Variants in HECW1 observed in about 807,000 individuals in gnomAD.
The protein encoded by HECW1 is E3 ubiquitin-protein ligase HECW1.
HECW1 carries 61 observed loss-of-function variants against 182.3 expected under a neutral mutation model. The observed-to-expected ratio is 0.33, with a 90% CI of 0.27 to 0.41. HECW1 has a LOEUF of 0.41. HECW1 is among the 10% of genes least tolerant of loss of function. The pLI, the probability that HECW1 is intolerant of heterozygous loss-of-function variation, is 1.00. For missense variants in HECW1, 1,739 were observed against 2,108.9 expected (o/e 0.82, Z 3.44); for synonymous variants, 859 against 832.6 (o/e 1.03, Z -0.55).
At chr7:43,496,794 T>A (rs2079138555) in intron 19 of HECW1, among the ~76,000 whole-genome samples, 1 of 152,148 alleles carries the variant, frequency 6.6e-6, no homozygotes, top group Admixed American at 6.5e-5. Context: ...GGAAGCCACA[T>A]GTAGAGAAGG....
chr7:43,206,363 C>T (rs896546843), intron 2 of HECW1, among the ~76,000 whole-genome samples: 1 of 152,066 alleles, frequency 6.6e-6, no homozygotes, highest in Admixed American at 6.5e-5. Context: ...AAATGGAATG[C>T]GAAGGTAAGG....
At chr7:43,164,053 G>A (rs893257869) in intron 2 of HECW1, among the ~76,000 whole-genome samples, 12 of 152,290 alleles carry the variant, frequency 7.9e-5, no homozygotes, top group East Asian at 1.9e-4. Context: ...GGCAGGCAGC[G>A]AAGAGAGCGG....
rs1414752444 is a variant in HECW1 at position 43,336,170 on chromosome 7, C to CTT, written c.460+15429_460+15430insTT. Among the ~76,000 whole-genome samples the CTT allele has an allele frequency of 1.5e-3, 184 of 122,892 alleles. 1 individual carries two copies. Among genetic ancestry groups the CTT allele is most frequent in the African/African-American group, 4.1e-3 (124 of 30,184 alleles). 80.6% of individuals were successfully genotyped at this position (122,892 alleles called of 152,430 possible). A position where few individuals can be genotyped will look rare whatever the true frequency, so the allele number is the denominator to read the frequency against. On this transcript the variant is annotated intron_variant, in intron 5 of 29. Coordinates refer to ENST00000395891, the MANE Select transcript of HECW1 (RefSeq NM_015052.5). The stretch of plus-strand genomic sequence containing the variant: ...TCTCTCTCTCTCTCTCTCTCTCTCT[C>CTT]TCTCTCTCTCTCTCTCTCTCTCTCT...
chr7:43,507,015 A>C, intron 21 of HECW1, 122 bp from the exon 22 acceptor site: 1 of 1,199,696 alleles, frequency 8.3e-7, no homozygotes, highest in Non-Finnish European at 1.1e-6. Flanking sequence ...AGTTGCGGTA[A>C]GCCGAGAGCA....
intron 2 of HECW1, among the ~76,000 whole-genome samples, chr7:43,141,625 G>A (rs1583663296): frequency 6.6e-6 from 1 of 151,990 alleles, no homozygotes; most frequent in African/African-American, 2.4e-5. Context: ...CAAGCATCCT[G>A]AGTAGCTGGG....
intron 6 of HECW1, among the ~76,000 whole-genome samples, chr7:43,367,165 T>C (rs1271908711): frequency 2.6e-5 from 4 of 152,246 alleles, no homozygotes; most frequent in Non-Finnish European, 4.4e-5. Context: ...AGTTCTGATT[T>C]TGGAAACTTG....
At chr7:43,418,275 T>G (rs548155839) in intron 8 of HECW1, among the ~76,000 whole-genome samples, 2 of 152,354 alleles carry the variant, frequency 1.3e-5, no homozygotes, top group African/African-American at 4.8e-5. Flanking sequence ...CACCAGGGTC[T>G]TAGACTTCAG....
At chr7:43,162,786 A>G (rs1375898861) in intron 2 of HECW1, 1 of 152,238 alleles carries the variant, frequency 6.6e-6, no homozygotes, top group East Asian at 1.9e-4. Flanking sequence ...TGTAATAATA[A>G]CATTGTAATA....
intron 2 of HECW1, among the ~76,000 whole-genome samples, chr7:43,123,573 G>A (rs766003533): frequency 2.0e-5 from 3 of 152,174 alleles, no homozygotes; most frequent in African/African-American, 4.8e-5. Context: ...TTGCCCATCT[G>A]CAGTCTTTGC....
intron 8 of HECW1, among the ~76,000 whole-genome samples, chr7:43,420,401 G>T (rs2152856510): frequency 6.6e-6 from 1 of 152,188 alleles, no homozygotes; most frequent in Admixed American, 6.5e-5. Context: ...TATTTCCTTA[G>T]AACCAAGAAC....
At chr7:43,438,801 A>G (rs2076789910) in intron 9 of HECW1, 1 of 152,264 alleles carries the variant, frequency 6.6e-6, no homozygotes, top group Non-Finnish European at 1.5e-5. Flanking sequence ...TTTAGGTAAC[A>G]GGGACTACAT....
rs759830897 is a variant in HECW1, at chr7:43,450,808, A to G, written c.2399-20A>G. ...CACGGCAGTGAATGAATCTGAATGT[A>G]TTGACTATCTTGTCCGTAGGTGAAT... On this transcript the variant is annotated intron_variant, in intron 11 of 29. Coordinates refer to ENST00000395891, the MANE Select transcript of HECW1 (RefSeq NM_015052.5). 4 of 1,480,356 alleles carry G rather than the reference A, an allele frequency of 2.7e-6. No individual in the cohort carries two copies. Among genetic ancestry groups the G allele is most frequent in the African/African-American group, 2.8e-5 (2 of 72,222 alleles). The allele number at this position is 1,480,356 out of a possible 1,614,324, so 91.7% of individuals were successfully genotyped here. A position where few individuals can be genotyped will look rare whatever the true frequency, so the allele number is the denominator to read the frequency against.
intron 17 of HECW1, 89 bp downstream of exon 17, chr7:43,479,833 T>A (rs1402857404): frequency 7.3e-6 from 11 of 1,499,462 alleles, no homozygotes; most frequent in Non-Finnish European, 9.2e-6. Context: ...GTGGCTAGGA[T>A]CTAGGGTTGC....
chr7:43,250,136 C>T (rs1034249508), intron 3 of HECW1, among the ~76,000 whole-genome samples: 7 of 151,414 alleles, frequency 4.6e-5, no homozygotes, highest in Non-Finnish European at 8.8e-5. Flanking sequence ...CACACACACG[C>T]GCACACACAC....
chr7:43,532,421 C>G (rs1409862100), intron 24 of HECW1, among the ~76,000 whole-genome samples: 1 of 152,170 alleles, frequency 6.6e-6, no homozygotes, highest in African/African-American at 2.4e-5. Context: ...TCCAAAGACC[C>G]TACACGAAAC....
chr7:43,506,593 C>T (rs77254751), intron 21 of HECW1, among the ~76,000 whole-genome samples: 80 of 152,210 alleles, frequency 5.3e-4, no homozygotes, highest in Non-Finnish European at 1.0e-3. Flanking sequence ...CAGAATGTGC[C>T]TCTGTTGAGC....
chr7:43,294,940 A>T (rs1482016220), intron 3 of HECW1, among the ~76,000 whole-genome samples: 1 of 152,160 alleles, frequency 6.6e-6, no homozygotes, highest in Non-Finnish European at 1.5e-5. Context: ...TAAGATGTAC[A>T]TTGTATAATA....
chr7:43,121,568 AT>A (rs1785619114), intron 2 of HECW1, among the ~76,000 whole-genome samples: 2 of 152,142 alleles, frequency 1.3e-5, no homozygotes, highest in Non-Finnish European at 2.9e-5. Flanking sequence ...AAATCACTAT[AT>A]TATACATATA....
intron 6 of HECW1, among the ~76,000 whole-genome samples, chr7:43,366,988 T>C (rs1358147690): frequency 6.6e-6 from 1 of 152,212 alleles, no homozygotes; most frequent in Non-Finnish European, 1.5e-5. Context: ...CATTATGTTA[T>C]GTAAAGAACT....
Sources: allele counts gnomAD v4.1 joint callset (sites outside exome capture counted in the v4.1 genomes callset), GRCh38; gene constraint gnomAD v4.1.1; transcripts MANE v1.5; gene names NCBI Gene and HGNC (gene_info 2026-07-23, HGNC 2026-07-21).